ADAMTS17: variants seen among roughly 807,000 people sequenced by gnomAD.
ADAMTS17 encodes the protein A disintegrin and metalloproteinase with thrombospondin motifs 17.
ADAMTS17 carries 113 observed loss-of-function variants against 141.5 expected under a neutral mutation model. The observed-to-expected ratio is 0.80, with a 90% CI of 0.69 to 0.93. The LOEUF (loss-of-function observed/expected upper bound fraction) is 0.93. ADAMTS17 is among the 40% of genes least tolerant of loss of function. ADAMTS17 has a pLI of 0.00. For synonymous variants in ADAMTS17, 768 were observed against 630.6 expected, an observed-to-expected ratio of 1.22 and a Z score of -3.27; for missense variants, 1,659 against 1,517.9, an observed-to-expected ratio of 1.09 and a Z score of -1.54.
At chr15:100,028,703 G>T (rs1202977173) in intron 18 of ADAMTS17, among the ~76,000 whole-genome samples, 1 of 152,330 alleles carries the variant, frequency 6.6e-6, no homozygotes, top group South Asian at 2.1e-4. Context: ...GGCAGCAGCG[G>T]GGCTGAGATG....
At chr15:99,976,311 C>A in intron 20 of ADAMTS17, 89 bp from the exon 21 acceptor site, 1 of 1,488,484 alleles carries the variant, frequency 6.7e-7, no homozygotes, top group South Asian at 1.2e-5. Flanking sequence ...GGAGACAGGA[C>A]AGCCTGAGTG....
intron 18 of ADAMTS17, among the ~76,000 whole-genome samples, chr15:100,048,588 CATTT>C (rs1163112413): frequency 2.4e-5 from 3 of 125,306 alleles, no homozygotes; most frequent in Admixed American, 8.4e-5. Context: ...TGGTGATGGC[CATTT>C]TTTTTTTTTT....
intron 4 of ADAMTS17, among the ~76,000 whole-genome samples, chr15:100,272,927 C>T (rs142694679): frequency 1.3e-5 from 2 of 152,018 alleles, no homozygotes; most frequent in Admixed American, 6.5e-5. Context: ...TTATCAAATT[C>T]TTTTCCTGTA....
chr15:100,167,845 G>A (rs978935365), intron 8 of ADAMTS17, among the ~76,000 whole-genome samples: 2 of 152,192 alleles, frequency 1.3e-5, no homozygotes, highest in African/African-American at 2.4e-5. Flanking sequence ...TTTTACTTAG[G>A]AAGACAAATT....
chr15:100,107,338 C>G (rs906940014), intron 14 of ADAMTS17, among the ~76,000 whole-genome samples: 3 of 152,190 alleles, frequency 2.0e-5, no homozygotes, highest in Admixed American at 6.5e-5. Flanking sequence ...TGGCTCACCA[C>G]AGTTCTGTGA....
intron 15 of ADAMTS17, among the ~76,000 whole-genome samples, chr15:100,090,427 G>T (rs560822659): frequency 6.6e-6 from 1 of 152,320 alleles, no homozygotes; most frequent in African/African-American, 2.4e-5. Context: ...CAGAGCTGAT[G>T]GGGCCCTGAT....
At chr15:100,259,291 G>C (rs908245644) in intron 6 of ADAMTS17, among the ~76,000 whole-genome samples, 2 of 152,176 alleles carry the variant, frequency 1.3e-5, no homozygotes, top group African/African-American at 4.8e-5. Flanking sequence ...AAGGACTCTT[G>C]CTTGCTCCCT....
At chr15:100,020,807 C>A (rs576544994) in intron 18 of ADAMTS17, among the ~76,000 whole-genome samples, 13 of 152,342 alleles carry the variant, frequency 8.5e-5, no homozygotes, top group African/African-American at 2.9e-4. Flanking sequence ...TCGGCTGTGT[C>A]TATCTCCATG....
At chr15:100,220,874 T>C (rs8036408) in intron 7 of ADAMTS17, among the ~76,000 whole-genome samples, 30,175 of 152,240 alleles carry the variant, frequency 0.2, 3,136 homozygotes, top group African/African-American at 0.22. Flanking sequence ...TAACATTCCA[T>C]TGCATGGATA....
At position 99,976,394 on chromosome 15, in the gene ADAMTS17, G is replaced by A. The variant is rs576635732; in HGVS notation, c.2950-172C>T. ...GCACTGCGGAGACAGGACAGCCTGA[G>A]TGGGGCCTACACGAGGTCAGGGGGC... On this transcript the variant is annotated intron_variant, in intron 20 of 21. Transcript: ENST00000268070. The A allele has an allele frequency of 8.9e-5, 77 of 862,754 alleles. No homozygotes were observed. The East Asian group carries it at 2.0e-3, about 23-fold the overall frequency. 53.4% of individuals were successfully genotyped at this position (862,754 alleles called of 1,614,324 possible).
chr15:100,294,155 C>A (rs937045022), intron 3 of ADAMTS17, among the ~76,000 whole-genome samples: 1 of 152,176 alleles, frequency 6.6e-6, no homozygotes, highest in Non-Finnish European at 1.5e-5. Flanking sequence ...TGCCACTCGT[C>A]TTATTTCTAT....
At chr15:100,221,652 C>T (rs2042137588) in intron 7 of ADAMTS17, among the ~76,000 whole-genome samples, 3 of 152,178 alleles carry the variant, frequency 2.0e-5, no homozygotes, top group South Asian at 2.1e-4. Context: ...AGCCTTGGCA[C>T]GTGTGCAAAC....
chr15:100,138,128 G>C (rs2038432907), intron 10 of ADAMTS17, among the ~76,000 whole-genome samples: 1 of 128,326 alleles, frequency 7.8e-6, no homozygotes, highest in Non-Finnish European at 1.8e-5. Flanking sequence ...TTAAACCAGG[G>C]AATCTGGAAG....
intron 6 of ADAMTS17, among the ~76,000 whole-genome samples, chr15:100,259,289 T>C (rs2141986037): frequency 6.6e-6 from 1 of 152,366 alleles, no homozygotes; most frequent in Admixed American, 6.5e-5. Flanking sequence ...CCAAGGACTC[T>C]TGCTTGCTCC....
chr15:100,106,102 T>C (rs1424901180), intron 14 of ADAMTS17, among the ~76,000 whole-genome samples: 1 of 152,050 alleles, frequency 6.6e-6, no homozygotes, highest in Non-Finnish European at 1.5e-5. Flanking sequence ...GCTCAAGTGA[T>C]CCTCCCACCT....
intron 7 of ADAMTS17, among the ~76,000 whole-genome samples, chr15:100,207,144 C>A (rs954995357): frequency 6.6e-6 from 1 of 152,106 alleles, no homozygotes; most frequent in African/African-American, 2.4e-5. Context: ...AGGTGGGGCC[C>A]TGATCCAACA....
intron 4 of ADAMTS17, among the ~76,000 whole-genome samples, chr15:100,263,687 G>A (rs903710855): frequency 6.6e-6 from 1 of 152,208 alleles, no homozygotes; most frequent in Non-Finnish European, 1.5e-5. Flanking sequence ...CGAGAGGTAC[G>A]CGGAGAGCAT....
chr15:100,327,810 C>A (rs1260958013), intron 3 of ADAMTS17, among the ~76,000 whole-genome samples: 4 of 152,192 alleles, frequency 2.6e-5, no homozygotes, highest in Non-Finnish European at 1.5e-5. Flanking sequence ...GAAACAGGAT[C>A]AGCCTGTCCC....
At chr15:100,279,188 C>G (rs2044201944) in intron 4 of ADAMTS17, among the ~76,000 whole-genome samples, 1 of 152,198 alleles carries the variant, frequency 6.6e-6, no homozygotes, top group African/African-American at 2.4e-5. Flanking sequence ...GAGTCACCTG[C>G]AGACCCTGTC....
Sources: allele counts gnomAD v4.1 joint callset (sites outside exome capture counted in the v4.1 genomes callset), GRCh38; gene constraint gnomAD v4.1.1; transcripts MANE v1.5; gene names NCBI Gene and HGNC (gene_info 2026-07-23, HGNC 2026-07-21).